The following SERPINE3 variants were observed in gnomAD, a reference collection of about 807,000 sequenced individuals.
The protein encoded by SERPINE3 is serpin E3.
A neutral mutation model predicts 41.7 loss-of-function variants in SERPINE3; 43 were observed. That is an observed-to-expected ratio of 1.03 (90% CI 0.81 to 1.33). The LOEUF is 1.33. SERPINE3 is among the 40% of genes most tolerant of loss of function. The pLI is 0.00. For synonymous variants in SERPINE3, 200 were observed against 192.2 expected (o/e 1.04, Z -0.34); for missense variants, 440 against 491.7 (o/e 0.89, Z 0.99).
At chr13:51,345,313 C>T (rs544432728) in intron 4 of SERPINE3, among the ~76,000 whole-genome samples, 1 of 152,142 alleles carries the variant, frequency 6.6e-6, no homozygotes, top group Non-Finnish European at 1.5e-5. Context: ...ATGTGGAGAA[C>T]ATTCAAGACC....
In SERPINE3 at chr13:51,347,163, T is replaced by G. The variant is rs1431499059; in HGVS notation, c.629T>G (p.Leu210Arg). 1 of 1,613,884 alleles carries G rather than the reference T, an allele frequency of 6.2e-7. No individual in the cohort carries two copies. The highest frequency in any genetic ancestry group is 1.7e-5 in the Admixed American group (1 of 60,012). ...KRFSSTDTQI[L>R]PFTCAYGLVL... is the part of the protein sequence containing the mutation. The stretch of plus-strand genomic sequence containing the variant: ...TTCTCCTCCACAGACACACAGATCC[T>G]GCCTTTCACCTGTGCCTATGGCCTC... Residue 210 changes from leucine to arginine, a missense_variant, in exon 5 of 10, where the codon CTG (leucine) becomes CGG (arginine). Transcript: ENST00000681248.
rs1309488325 is a variant in SERPINE3 at position 51,355,034 on chromosome 13, GC to G, written c.900-7del. On this transcript the variant is annotated splice_region_variant and splice_polypyrimidine_tract_variant and intron_variant, in intron 6 of 9. Coordinates refer to ENST00000681248, the MANE Select transcript of SERPINE3 (RefSeq NM_001386375.1). ...TTTTGAAAGTTGATGGTTTGTTTTT[GC>G]CTTTTAGGTTTAGGATCCAAAATCA... 4 of 1,392,526 alleles carry G rather than the reference GC, an allele frequency of 2.9e-6. No homozygotes were observed. The highest frequency in any genetic ancestry group is 1.4e-5 in the African/African-American group (1 of 69,852). The allele number at this position is 1,392,526 out of a possible 1,614,324, so 86.3% of individuals were successfully genotyped here.
intron 7 of SERPINE3, among the ~76,000 whole-genome samples, chr13:51,358,900 G>A (rs1426991153): frequency 6.6e-6 from 1 of 152,036 alleles, no homozygotes; most frequent in East Asian, 1.9e-4. Context: ...TGCTAATCCT[G>A]TAAATCTGGG....
chr13:51,341,138 T>C lies in SERPINE3; in HGVS notation c.47T>C (p.Leu16Pro). The change falls in exon 3 of 10, where the codon CTC becomes CCC. Residue 16 changes from leucine to proline, a missense_variant. Leu to Pro is a moderately conservative substitution (Grantham distance 98). Transcript: ENST00000681248. The stretch of plus-strand genomic sequence containing the variant: ...CTCTTCCTCTTTCACTCTTGCTGCC[T>C]CCGAGCAAATGGCCACCTCCGTGAA... ...ITLFLFHSCC[L>P]RANGHLREGM... 1 of 1,614,014 alleles carries C rather than the reference T, an allele frequency of 6.2e-7. No individual in the cohort carries two copies. The highest frequency in any genetic ancestry group is 8.5e-7 in the Non-Finnish European group (1 of 1,179,878).
At chr13:51,355,866 A>C (rs1955473350) in intron 7 of SERPINE3, among the ~76,000 whole-genome samples, 1 of 152,180 alleles carries the variant, frequency 6.6e-6, no homozygotes, top group Non-Finnish European at 1.5e-5. Context: ...CTGGATAGTA[A>C]ATTATCTGTG....
At chr13:51,360,997 C>G (rs1473129348) in intron 7 of SERPINE3, among the ~76,000 whole-genome samples, 2 of 151,888 alleles carry the variant, frequency 1.3e-5, no homozygotes, top group Non-Finnish European at 2.9e-5. Context: ...AAAAATGGGG[C>G]AGTGCTCTGA....
chr13:51,345,558 G>GCGT (rs201811826), intron 4 of SERPINE3, among the ~76,000 whole-genome samples: 1,638 of 129,438 alleles, frequency 0.013, 23 homozygotes, highest in East Asian at 0.08. Context: ...CTGCGTCACT[G>GCGT]CACTCCAGCT....
intron 7 of SERPINE3, among the ~76,000 whole-genome samples, chr13:51,355,655 C>T (rs190926822): frequency 3.3e-5 from 5 of 152,274 alleles, no homozygotes; most frequent in Non-Finnish European, 5.9e-5. Flanking sequence ...AAATGTTCTC[C>T]TTTCCACCAA....
At chr13:51,343,942 GC>G (rs1955318962) in intron 3 of SERPINE3, among the ~76,000 whole-genome samples, 1 of 152,148 alleles carries the variant, frequency 6.6e-6, no homozygotes, top group Non-Finnish European at 1.5e-5. Flanking sequence ...CCTTCCTAAA[GC>G]AGAAAATTAA....
intron 6 of SERPINE3, among the ~76,000 whole-genome samples, chr13:51,352,954 A>C (rs1309192341): frequency 6.6e-6 from 1 of 152,166 alleles, no homozygotes; most frequent in Non-Finnish European, 1.5e-5. Context: ...GATAAATCCC[A>C]CTTTGTCATG....
At position 51,348,345 on chromosome 13, in the gene SERPINE3, C is replaced by G; in HGVS notation, c.833C>G (p.Thr278Arg). ...CTGAGCCACATCGAGCCACACCTCA[C>G]AGCCAGCACCATCCACCTCTGGACC... The part of the protein sequence containing the change: ...TPLSHIEPHL[T>R]ASTIHLWTTS... The change falls in exon 6 of 10, where the codon ACA becomes AGA. Residue 278 changes from threonine (T) to arginine (R), a missense_variant. By Grantham distance (71) the Thr-to-Arg change is moderately conservative. Coordinates refer to ENST00000681248, the MANE Select transcript of SERPINE3 (RefSeq NM_001386375.1). The G allele has an allele frequency of 6.2e-7, 1 of 1,613,960 alleles. No homozygotes were observed. The highest frequency in any genetic ancestry group is 8.5e-7 in the Non-Finnish European group (1 of 1,179,874).
intron 6 of SERPINE3, 71 bp from the exon 7 acceptor site, chr13:51,354,972 C>T (rs1955457249): frequency 1.3e-6 from 1 of 743,684 alleles, no homozygotes; most frequent in Non-Finnish European, 2.3e-6. Context: ...GGATTTTGGA[C>T]TTCATGTGGT....
In SERPINE3 at chr13:51,349,403, T is replaced by C. The variant is rs112961221; in HGVS notation, c.899+992T>C. On this transcript the variant is annotated intron_variant, in intron 6 of 9. Coordinates refer to ENST00000681248, the MANE Select transcript of SERPINE3 (RefSeq NM_001386375.1). Reference sequence around the variant, plus strand: ...GTAAAGTGTATCTCTCAAAACTAAATATTTGGACCCCAAACCAAAACCCAA... The same window carrying C: ...GTAAAGTGTATCTCTCAAAACTAAACATTTGGACCCCAAACCAAAACCCAA... Among the ~76,000 whole-genome samples, 993 of 152,276 alleles carry C rather than the reference T, an allele frequency of 6.5e-3. 8 individuals carry two copies. Among genetic ancestry groups the C allele is most frequent in the Middle Eastern group, 0.031 (9 of 294 alleles).
chr13:51,355,223 T>TTCCACAGAGCCTTAAGTGGTAAACAA, intron 7 of SERPINE3, 80 bp downstream of exon 7: 1 of 684,048 alleles, frequency 1.5e-6, no homozygotes, highest in Non-Finnish European at 2.6e-6. Flanking sequence ...GGATTCTCAT[T>TTCCACAGAGCCTTAAGTGGTAAACAA]TCAGAGTCAA....
chr13:51,346,560 A>T (rs1337975811), intron 4 of SERPINE3, among the ~76,000 whole-genome samples: 1 of 152,306 alleles, frequency 6.6e-6, no homozygotes, highest in Non-Finnish European at 1.5e-5. Context: ...ACCCAACTCC[A>T]GAGATGACTC....
chr13:51,346,306 C>T (rs1402098339), intron 4 of SERPINE3, among the ~76,000 whole-genome samples: 3 of 152,124 alleles, frequency 2.0e-5, no homozygotes, highest in Non-Finnish European at 4.4e-5. Flanking sequence ...AGATTCAGCT[C>T]AGCAGCGGGG....
Position 51,364,377 on chromosome 13 carries a change from G to A in SERPINE3, c.*95G>A. ...AATTTAAAAAAATGTCTGATAAAGT[G>A]TAAAAAGCTAAGGGTATGTGATTTT... On this transcript the variant is annotated 3_prime_UTR_variant, in exon 10 of 10. Transcript: ENST00000681248. 3 of 658,976 alleles carry A rather than the reference G, an allele frequency of 4.6e-6. No individual in the cohort carries two copies. The highest frequency in any genetic ancestry group is 7.4e-6 in the Non-Finnish European group (3 of 405,512). The allele number at this position is 658,976 out of a possible 1,614,324, so 40.8% of individuals were successfully genotyped here.
chr13:51,362,080 CTT>C, intron 9 of SERPINE3, 187 bp downstream of exon 9: 1 of 1,536,806 alleles, frequency 6.5e-7, no homozygotes, highest in East Asian at 2.4e-5. Flanking sequence ...ACAAAGGAAA[CTT>C]ATCCTCCATG....
In SERPINE3 at chr13:51,349,945, T is replaced by C. The variant is rs1396500049; in HGVS notation, c.899+1534T>C. ...TTTTTTGTTTGTTTTTAAGCTAGCT[T>C]TAAATCCTTTGGGGAACAAAACAAA... On this transcript the variant is annotated intron_variant, in intron 6 of 9. Coordinates refer to ENST00000681248, the MANE Select transcript of SERPINE3 (RefSeq NM_001386375.1). 2.0e-5 allele frequency among the ~76,000 whole-genome samples: 3 copies of C among 152,308 alleles called. No individual in the cohort carries two copies. The East Asian group carries it at 5.8e-4, about 29-fold the overall frequency.
Sources: gnomAD v4.1 joint callset for allele counts (sites outside exome capture counted in the v4.1 genomes callset) on GRCh38, gnomAD v4.1.1 for gene constraint, MANE v1.5 for transcripts, NCBI Gene and HGNC (gene_info 2026-07-23, HGNC 2026-07-21) for gene names.